PCA3: variants seen among roughly 807,000 people sequenced by gnomAD.
PCA3 encodes Differential Display code 3.
chr9:76,782,501 A>G (rs2054522636), intron 2 of PCA3, among the ~76,000 whole-genome samples: 1 of 152,232 alleles, frequency 6.6e-6, no homozygotes, highest in Non-Finnish European at 1.5e-5. Context: ...CAACTACAGC[A>G]TCTTCTTTAC....
intron 2 of PCA3, chr9:76,785,706 G>A (rs549699850): frequency 1.3e-5 from 2 of 152,020 alleles, no homozygotes; most frequent in South Asian, 2.1e-4. Context: ...TTTACAAAGA[G>A]CTACTCAGGA....
chr9:76,768,114 G>A (rs1007823234), intron 2 of PCA3, among the ~76,000 whole-genome samples: 3 of 152,108 alleles, frequency 2.0e-5, no homozygotes, highest in Non-Finnish European at 4.4e-5. Flanking sequence ...TGCCTGGTGA[G>A]GAGGATCACA....
At position 76,767,194 on chromosome 9, in the gene PCA3, G is replaced by A. The variant is rs372300341; in HGVS notation, n.852+30579G>A. Among the ~76,000 whole-genome samples, 41 of 152,312 alleles carry A rather than the reference G, an allele frequency of 2.7e-4. 1 individual carries two copies. In the South Asian group the frequency reaches 8.3e-3, roughly 31 times the overall value. Reference sequence around the variant, plus strand: ...TGGCCAGGCACTGTGGGTCACGCCTGTAATCCCAGCACTTTGGGAGGCCGA... The same window carrying A: ...TGGCCAGGCACTGTGGGTCACGCCTATAATCCCAGCACTTTGGGAGGCCGA... On this transcript the variant is annotated intron_variant and non_coding_transcript_variant, in intron 2 of 5. Transcript: ENST00000644657.
intron 2 of PCA3, among the ~76,000 whole-genome samples, chr9:76,780,490 A>AT (rs2054259217): frequency 6.6e-6 from 1 of 152,056 alleles, no homozygotes; most frequent in African/African-American, 2.4e-5. Flanking sequence ...GATCAAGACC[A>AT]TCCTGGCTAA....
chr9:76,774,111 T>C (rs2053423202), intron 2 of PCA3, among the ~76,000 whole-genome samples: 1 of 151,970 alleles, frequency 6.6e-6, no homozygotes, highest in African/African-American at 2.4e-5. Flanking sequence ...AAAGAATAGG[T>C]TTGATTCTTT....
At chr9:76,767,680 C>T (rs998486509) in intron 2 of PCA3, among the ~76,000 whole-genome samples, 2 of 152,156 alleles carry the variant, frequency 1.3e-5, no homozygotes, top group Non-Finnish European at 2.9e-5. Flanking sequence ...AAAGCCTCAT[C>T]TCTTGACCCT....
At chr9:76,777,689 T>C (rs747500012) in intron 2 of PCA3, among the ~76,000 whole-genome samples, 6 of 152,136 alleles carry the variant, frequency 3.9e-5, no homozygotes, top group Non-Finnish European at 8.8e-5. Context: ...CAAGTAGACA[T>C]GTTATATGTC....
intron 2 of PCA3, among the ~76,000 whole-genome samples, chr9:76,774,121 T>TTTTA (rs1429910817): frequency 6.6e-6 from 1 of 152,176 alleles, no homozygotes; most frequent in Non-Finnish European, 1.5e-5. Flanking sequence ...TTTGATTCTT[T>TTTTA]TTTATTTTTT....
chr9:76,785,459 T>C (rs1441179582), intron 2 of PCA3: 2 of 152,208 alleles, frequency 1.3e-5, no homozygotes, highest in Non-Finnish European at 2.9e-5. Flanking sequence ...GTATCTTATA[T>C]AATATACTTC....
intron 2 of PCA3, chr9:76,785,723 G>T (rs1380974114): frequency 1.4e-5 from 2 of 146,200 alleles, no homozygotes; most frequent in Non-Finnish European, 3.0e-5. Context: ...AGGACCAGTT[G>T]TTAAGAGCTC....
chr9:76,767,536 C>A (rs1195395292), intron 2 of PCA3, among the ~76,000 whole-genome samples: 2 of 152,104 alleles, frequency 1.3e-5, no homozygotes, highest in Non-Finnish European at 2.9e-5. Context: ...CTCCATTGAT[C>A]ACCTCTTTAA....
intron 2 of PCA3, among the ~76,000 whole-genome samples, chr9:76,767,313 T>C (rs1376020395): frequency 1.3e-5 from 2 of 151,970 alleles, no homozygotes; most frequent in Non-Finnish European, 2.9e-5. Context: ...TATCTGGGCA[T>C]GGTGGCACAC....
At chr9:76,767,652 C>T (rs2052562379) in intron 2 of PCA3, among the ~76,000 whole-genome samples, 1 of 152,130 alleles carries the variant, frequency 6.6e-6, no homozygotes, top group Non-Finnish European at 1.5e-5. Flanking sequence ...TTCCTCCTCC[C>T]CTAACAGGAG....
At chr9:76,781,417 G>A (rs1017153523) in intron 2 of PCA3, among the ~76,000 whole-genome samples, 6 of 152,132 alleles carry the variant, frequency 3.9e-5, no homozygotes, top group East Asian at 1.9e-4. Flanking sequence ...TGAATGTGCC[G>A]ACCTATTTCC....
chr9:76,783,456 A>G (rs541502939), intron 2 of PCA3, among the ~76,000 whole-genome samples: 21 of 152,092 alleles, frequency 1.4e-4, no homozygotes, highest in Non-Finnish European at 2.8e-4. Context: ...GACCTGTGGG[A>G]TCTCTAGAGG....
chr9:76,780,909 A>G (rs1304250671), intron 2 of PCA3, among the ~76,000 whole-genome samples: 5 of 152,126 alleles, frequency 3.3e-5, no homozygotes, highest in African/African-American at 4.8e-5. Flanking sequence ...TGCAACCCTC[A>G]TCCCCGTGTG....
chr9:76,773,295 A>G (rs1420695186), intron 2 of PCA3, among the ~76,000 whole-genome samples: 1 of 152,174 alleles, frequency 6.6e-6, no homozygotes, highest in Non-Finnish European at 1.5e-5. Context: ...AGAAATAGAA[A>G]TTTCTGTAAA....
Position 76,774,460 on chromosome 9 carries a change from T to TATTTATTTATTTATTTATTTA in PCA3, n.853-34123_853-34122insATTTATTTATTTATTTATTTA, listed in dbSNP as rs1564272674. On this transcript the variant is annotated intron_variant and non_coding_transcript_variant, in intron 2 of 5. Transcript: ENST00000644657. ...GCCTCCAGTTCAACCCTTTTTTTTTTTTTTTTTTTTTTTTTTTGAGATGGA... is the reference window on the plus strand; with the variant it reads ...GCCTCCAGTTCAACCCTTTTTTTTTTATTTATTTATTTATTTATTTATTTTTTTTTTTTTTTTTGAGATGGA... Among the ~76,000 whole-genome samples the TATTTATTTATTTATTTATTTA allele has an allele frequency of 3.8e-3, 530 of 138,654 alleles. 3 individuals are homozygous for TATTTATTTATTTATTTATTTA. The highest frequency in any genetic ancestry group is 7.7e-3 in the South Asian group (33 of 4,296). 91.0% of individuals were successfully genotyped at this position (138,654 alleles called of 152,430 possible).
Position 76,776,337 on chromosome 9 carries a change from G to T in PCA3, n.853-32246G>T, listed in dbSNP as rs1271611330. 3.2e-3 allele frequency among the ~76,000 whole-genome samples: 491 copies of T among 152,002 alleles called. 5 individuals carry two copies. Among genetic ancestry groups the T allele is most frequent in the African/African-American group, 0.012 (482 of 41,456 alleles). On this transcript the variant is annotated intron_variant and non_coding_transcript_variant, in intron 2 of 5. Coordinates refer to ENST00000644657, the Ensembl canonical transcript of PCA3. ...CCGATGTTATTATTTCACTCTCTGT[G>T]TCCATGTGTACACACTGTTTAGCCC...
Sources: gnomAD v4.1 joint callset for allele counts (sites outside exome capture counted in the v4.1 genomes callset) on GRCh38, gnomAD v4.1.1 for gene constraint, MANE v1.5 for transcripts, NCBI Gene and HGNC (gene_info 2026-07-23, HGNC 2026-07-21) for gene names.